PRIM2: variants seen among roughly 807,000 people sequenced by gnomAD.
PRIM2 encodes the protein DNA primase subunit 2.
In PRIM2, 39 loss-of-function variants were observed where a neutral mutation model predicts 67.3. That is an observed-to-expected ratio of 0.58 (90% confidence interval 0.45 to 0.76). The LOEUF (loss-of-function observed/expected upper bound fraction) is 0.76, where lower values mean the gene tolerates loss of function less well. Among genes scored for constraint, PRIM2 ranks in the 30% least tolerant of loss-of-function variants. PRIM2 has a pLI of 0.00. For synonymous variants in PRIM2, 143 were observed against 198.7 expected (o/e 0.72, Z 2.36); for missense variants, 398 against 598.7 (o/e 0.66, Z 3.50).
intron 12 of PRIM2, among the ~76,000 whole-genome samples, chr6:57,627,605 T>C (rs1776973414): frequency 6.6e-6 from 1 of 152,010 alleles, no homozygotes; most frequent in South Asian, 2.1e-4. Context: ...GCCAGACTGG[T>C]CTTGAACTCC....
intron 10 of PRIM2, among the ~76,000 whole-genome samples, chr6:57,548,624 C>T (rs1775336539): frequency 6.6e-6 from 1 of 151,968 alleles, no homozygotes; most frequent in Non-Finnish European, 1.5e-5. Context: ...TGTGATATAC[C>T]CAGCACTTGA....
intron 10 of PRIM2, among the ~76,000 whole-genome samples, chr6:57,544,972 C>T (rs1372743463): frequency 0.015 from 2,306 of 152,156 alleles, 69 homozygotes; most frequent in African/African-American, 0.053. Flanking sequence ...GTTTAGCTTT[C>T]GATATGAGAA....
chr6:57,597,341 T>A (rs1182902564), intron 10 of PRIM2, among the ~76,000 whole-genome samples: 1 of 150,894 alleles, frequency 6.6e-6, no homozygotes, highest in African/African-American at 2.4e-5. Flanking sequence ...TTTAAGAAGA[T>A]GACTAGAAAT....
chr6:57,281,841 T>TA, the PRIM2 span, among the ~76,000 whole-genome samples: 6 of 152,224 alleles, frequency 3.9e-5, no homozygotes, highest in South Asian at 2.1e-4. Flanking sequence ...TTATGTTTAT[T>TA]AAAAAAAGCC....
chr6:57,573,605 A>G (rs1775902787), intron 10 of PRIM2, among the ~76,000 whole-genome samples: 1 of 152,192 alleles, frequency 6.6e-6, no homozygotes, highest in Non-Finnish European at 1.5e-5. Flanking sequence ...GATCACTCAT[A>G]TAAGCTTTTA....
chr6:57,299,076 C>T, the PRIM2 span, among the ~76,000 whole-genome samples: 4 of 151,026 alleles, frequency 2.6e-5, no homozygotes, highest in Non-Finnish European at 5.9e-5. Context: ...CTCTCTGTCT[C>T]TCTCTCTCTT....
At chr6:57,521,871 AC>A (rs1774631796) in intron 8 of PRIM2, among the ~76,000 whole-genome samples, 1 of 151,612 alleles carries the variant, frequency 6.6e-6, no homozygotes, top group South Asian at 2.1e-4. Flanking sequence ...GCAGAGAAAT[AC>A]CCCCTGAGGA....
chr6:57,375,188 A>G (rs1480665307), intron 5 of PRIM2, among the ~76,000 whole-genome samples: 2 of 152,300 alleles, frequency 1.3e-5, no homozygotes, highest in South Asian at 4.1e-4. Flanking sequence ...ATTCAGTATG[A>G]TATTGGCTGT....
chr6:57,287,522 C>T, the PRIM2 span, among the ~76,000 whole-genome samples: 3 of 152,078 alleles, frequency 2.0e-5, no homozygotes, highest in Admixed American at 2.0e-4. Flanking sequence ...GAAAACCAAA[C>T]ACTGCATGTT....
intron 12 of PRIM2, among the ~76,000 whole-genome samples, chr6:57,623,666 G>C (rs1378692016): frequency 2.6e-5 from 4 of 152,076 alleles, no homozygotes; most frequent in African/African-American, 4.8e-5. Context: ...CAGTTTTATA[G>C]AGTACACTCC....
At chr6:57,633,552 T>C (rs1777068326) in intron 13 of PRIM2, among the ~76,000 whole-genome samples, 1 of 152,152 alleles carries the variant, frequency 6.6e-6, no homozygotes, top group Non-Finnish European at 1.5e-5. Flanking sequence ...ATATTACCAA[T>C]AATAATTGAA....
chr6:57,547,333 C>T (rs1234467378), intron 10 of PRIM2, among the ~76,000 whole-genome samples: 13 of 152,080 alleles, frequency 8.5e-5, no homozygotes, highest in Non-Finnish European at 1.9e-4. Flanking sequence ...GCTGCGACGT[C>T]ATCTCCCAGA....
the PRIM2 span, among the ~76,000 whole-genome samples, chr6:57,227,641 C>CAAAAAA: frequency 4.8e-5 from 4 of 84,026 alleles, no homozygotes; most frequent in Admixed American, 1.4e-4. Context: ...GAGACCATCT[C>CAAAAAA]AAAAAAAAAA....
Position 57,547,552 on chromosome 6 carries a change from C to T in PRIM2, c.1020+9927C>T, listed in dbSNP as rs1433931821. Among the ~76,000 whole-genome samples, 1,170 of 152,302 alleles carry T rather than the reference C, an allele frequency of 7.7e-3. 13 individuals are homozygous for T. The highest frequency in any genetic ancestry group is 0.027 in the African/African-American group (1,112 of 41,552). ...TTGGCACTTGGATATTAAATCACTT[C>T]GGCGACTAGCTTTGTTAAGTATTAC... On this transcript the variant is annotated intron_variant, in intron 10 of 13. Coordinates refer to ENST00000615550, the MANE Select transcript of PRIM2 (RefSeq NM_000947.5).
chr6:57,492,407 G>T (rs1773916311), intron 7 of PRIM2, among the ~76,000 whole-genome samples: 1 of 151,932 alleles, frequency 6.6e-6, no homozygotes, highest in African/African-American at 2.4e-5. Flanking sequence ...GCAGGGCATG[G>T]TGGTGGGTAC....
chr6:57,469,981 A>T (rs1356928765), intron 7 of PRIM2, among the ~76,000 whole-genome samples: 1 of 151,840 alleles, frequency 6.6e-6, no homozygotes, highest in Non-Finnish European at 1.5e-5. Flanking sequence ...CTTTATCTCC[A>T]ATTTCTAGTA....
the PRIM2 span, among the ~76,000 whole-genome samples, chr6:57,252,892 G>A: frequency 2.0e-5 from 3 of 152,174 alleles, no homozygotes; most frequent in East Asian, 5.8e-4. Context: ...TCCACTGTGG[G>A]TTGTATTGAT....
At chr6:57,287,089 G>T in the PRIM2 span, among the ~76,000 whole-genome samples, 6 of 152,254 alleles carry the variant, frequency 3.9e-5, no homozygotes, top group South Asian at 8.3e-4. Context: ...AATGGTAATC[G>T]TTAAAATGTC....
chr6:57,541,551 GTGTT>G (rs1775153563), intron 10 of PRIM2, among the ~76,000 whole-genome samples: 2 of 152,182 alleles, frequency 1.3e-5, no homozygotes, highest in African/African-American at 4.8e-5. Context: ...TAGTTGTTAA[GTGTT>G]TGGGGAATAA....
Sources: allele counts gnomAD v4.1 joint callset (sites outside exome capture counted in the v4.1 genomes callset), GRCh38; gene constraint gnomAD v4.1.1; transcripts MANE v1.5; gene names NCBI Gene and HGNC (gene_info 2026-07-23, HGNC 2026-07-21).